AZIN1: variants seen among roughly 807,000 people sequenced by gnomAD.
AZIN1 encodes the protein antizyme inhibitor 1.
Under a neutral mutation model 47.4 loss-of-function variants are expected in AZIN1, and 12 were observed. That is an observed-to-expected ratio of 0.25 (90% confidence interval 0.16 to 0.41). The LOEUF (loss-of-function observed/expected upper bound fraction) is 0.41, where lower values mean the gene tolerates loss of function less well. Among genes scored for constraint, AZIN1 ranks in the 10% least tolerant of loss-of-function variants. The pLI is 1.00. For synonymous variants in AZIN1, 155 were observed against 176.3 expected (o/e 0.88, Z 0.96); for missense variants, 410 against 532.4 (o/e 0.77, Z 2.26).
At position 102,828,311 on chromosome 8, in the gene AZIN1, A is replaced by G. The variant is rs1563525516; in HGVS notation, c.*256T>C. 7.0e-6 allele frequency: 2 copies of G among 284,828 alleles called. No homozygotes were observed. Among genetic ancestry groups the G allele is most frequent in the Non-Finnish European group, 1.3e-5 (2 of 153,330 alleles). 17.6% of individuals were successfully genotyped at this position (284,828 alleles called of 1,614,324 possible). A position where few individuals can be genotyped will look rare whatever the true frequency, so the allele number is the denominator to read the frequency against. On this transcript the variant is annotated 3_prime_UTR_variant, in exon 12 of 12. Transcript: ENST00000337198. Reference sequence around the variant, plus strand: ...TCCACTAAGTCATCCATTTTGTTGCATATTTTATTTTAAACGCTTAAGGGG... The same window carrying G: ...TCCACTAAGTCATCCATTTTGTTGCGTATTTTATTTTAAACGCTTAAGGGG...
intron 2 of AZIN1, among the ~76,000 whole-genome samples, chr8:102,856,253 T>C (rs995414919): frequency 6.6e-6 from 1 of 152,092 alleles, no homozygotes; most frequent in African/African-American, 2.4e-5. Context: ...AATGAGAAGA[T>C]TACATGTGAA....
At chr8:102,861,253 C>T (rs1471772558) in intron 1 of AZIN1, among the ~76,000 whole-genome samples, 1 of 151,896 alleles carries the variant, frequency 6.6e-6, no homozygotes, top group African/African-American at 2.4e-5. Context: ...AGATGAAGTC[C>T]CGCTGCTCTT....
At chr8:102,832,510 C>G (rs551797703) in intron 9 of AZIN1, among the ~76,000 whole-genome samples, 2 of 152,158 alleles carry the variant, frequency 1.3e-5, no homozygotes, top group African/African-American at 4.8e-5. Context: ...GAAAAGATCA[C>G]AATAAAAGTA....
intron 9 of AZIN1, among the ~76,000 whole-genome samples, chr8:102,832,689 G>A (rs1811539122): frequency 6.6e-6 from 1 of 151,074 alleles, no homozygotes; most frequent in South Asian, 2.1e-4. Flanking sequence ...CACCCAGGCT[G>A]GAGTCCAGTG....
At chr8:102,837,833 CCAA>C (rs1259946422) in intron 5 of AZIN1, among the ~76,000 whole-genome samples, 3 of 152,206 alleles carry the variant, frequency 2.0e-5, no homozygotes, top group African/African-American at 7.2e-5. Context: ...AAAAAGTAAG[CCAA>C]CAACTGCATA....
chr8:102,857,645 G>T (rs1049581430), intron 2 of AZIN1, among the ~76,000 whole-genome samples: 12 of 151,550 alleles, frequency 7.9e-5, no homozygotes, highest in Non-Finnish European at 1.5e-4. Context: ...TCATCTTTCA[G>T]CAAGTCCTCT....
At chr8:102,849,951 C>T (rs1456072114) in intron 2 of AZIN1, 1 of 152,186 alleles carries the variant, frequency 6.6e-6, no homozygotes, top group African/African-American at 2.4e-5. Context: ...GACAGGGTAG[C>T]TCCAAGAGTA....
rs567170313 is a variant in AZIN1 at position 102,838,657 on chromosome 8, A to T, written c.449+87T>A. On this transcript the variant is annotated intron_variant, in intron 5 of 11. Coordinates refer to ENST00000337198, the MANE Select transcript of AZIN1 (RefSeq NM_148174.4). ...TTATGATACACATCATTGCCCTACC[A>T]CAAATGCTCCTTTCTTCCCAGACAA... The T allele has an allele frequency of 8.9e-6, 10 of 1,120,434 alleles. No homozygotes were observed. In the African/African-American group the frequency reaches 1.4e-4, roughly 16 times the overall value. 69.4% of individuals were successfully genotyped at this position (1,120,434 alleles called of 1,614,324 possible). A position where few individuals can be genotyped will look rare whatever the true frequency, so the allele number is the denominator to read the frequency against.
At chr8:102,849,234 A>G (rs930369820) in intron 2 of AZIN1, among the ~76,000 whole-genome samples, 1 of 152,178 alleles carries the variant, frequency 6.6e-6, no homozygotes, top group African/African-American at 2.4e-5. Flanking sequence ...CGGAGGTTAC[A>G]GTGAGCTGAG....
At chr8:102,845,502 A>ATATAAC (rs1812513347) in intron 2 of AZIN1, among the ~76,000 whole-genome samples, 2 of 152,154 alleles carry the variant, frequency 1.3e-5, no homozygotes, top group Non-Finnish European at 2.9e-5. Context: ...CACATTCTCT[A>ATATAAC]AAGACTGTTA....
intron 1 of AZIN1, among the ~76,000 whole-genome samples, chr8:102,863,483 G>A (rs1001613076): frequency 4.0e-5 from 6 of 151,562 alleles, no homozygotes; most frequent in Non-Finnish European, 8.9e-5. Flanking sequence ...CACGCCGCCA[G>A]GAGGGGACGG....
At position 102,843,720 on chromosome 8, in the gene AZIN1, T is replaced by C. The variant is rs1812374056; in HGVS notation, c.-68A>G. ...GACAAGAGACGGGCCACCAAGCCTA[T>C]GTCTGGGTCCTTAGAATATGCAACA... is the stretch of plus-strand genomic sequence containing the variant. On this transcript the variant is annotated 5_prime_UTR_variant, in exon 3 of 12. Coordinates refer to ENST00000337198, the MANE Select transcript of AZIN1 (RefSeq NM_148174.4). The C allele has an allele frequency of 2.5e-6, 4 of 1,592,586 alleles. No homozygotes were observed. In the South Asian group the frequency reaches 4.5e-5, roughly 18 times the overall value.
At chr8:102,841,802 A>ATT (rs1301107519) in intron 3 of AZIN1, among the ~76,000 whole-genome samples, 36 of 65,476 alleles carry the variant, frequency 5.5e-4, no homozygotes, top group African/African-American at 1.5e-3. Flanking sequence ...ATATATATAT[A>ATT]TATAAAAAAA....
Position 102,836,310 on chromosome 8 carries a change from C to T in AZIN1, c.530G>A (p.Cys177Tyr). Residue 177 changes from cysteine (C) to tyrosine (Y), a missense_variant, in exon 6 of 12, where the codon TGT (cysteine) becomes TAT (tyrosine). Physicochemically the swap from Cys to Tyr is radical, Grantham distance 194 (BLOSUM62 -2). Around this residue, in one of 3 missense-constraint regions of AZIN1, gnomAD observed 237 missense variants for 309.4 expected, o/e 0.77. Coordinates refer to ENST00000337198, the MANE Select transcript of AZIN1 (RefSeq NM_148174.4). ...CTTAGCACATTCCAAGAGATGCCTA[C>T]AGTTCTTCAGGGTAGTGCCAAACTT... Reference protein sequence around the residue: ...NMKFGTTLKNCRHLLECAKEL... With the variant: ...NMKFGTTLKNYRHLLECAKEL... 2 of 1,613,668 alleles carry T rather than the reference C, an allele frequency of 1.2e-6. No homozygotes were observed. Among genetic ancestry groups the T allele is most frequent in the Non-Finnish European group, 1.7e-6 (2 of 1,179,570 alleles).
intron 11 of AZIN1, 85 bp downstream of exon 11, chr8:102,829,187 G>A: frequency 8.6e-7 from 1 of 1,160,996 alleles, no homozygotes; most frequent in Non-Finnish European, 1.2e-6. Context: ...TCTAAGTTTA[G>A]CATTCATTAC....
chr8:102,858,137 T>C lies in AZIN1; in HGVS notation c.-220A>G. 1 of 398,934 alleles carries C rather than the reference T, an allele frequency of 2.5e-6. No individual in the cohort carries two copies. The highest frequency in any genetic ancestry group is 4.4e-6 in the Non-Finnish European group (1 of 226,006). 24.7% of individuals were successfully genotyped at this position (398,934 alleles called of 1,614,324 possible). On this transcript the variant is annotated 5_prime_UTR_variant, in exon 2 of 12. Coordinates refer to ENST00000337198, the MANE Select transcript of AZIN1 (RefSeq NM_148174.4). ...GCCCTCTGGGTAGTTGTATACTTGG[T>C]CAGAAAGTTCGCCCTAAAAGAAGGA...
At chr8:102,840,989 G>C (rs886378920) in intron 3 of AZIN1, among the ~76,000 whole-genome samples, 1 of 151,808 alleles carries the variant, frequency 6.6e-6, no homozygotes, top group African/African-American at 2.4e-5. Flanking sequence ...AACCACAAGA[G>C]AAATGGGATG....
Position 102,834,743 on chromosome 8 carries a change from G to C in AZIN1, c.589C>G (p.His197Asp). 1 of 1,607,756 alleles carries C rather than the reference G, an allele frequency of 6.2e-7. No homozygotes were observed. Among genetic ancestry groups the C allele is most frequent in the Non-Finnish European group, 8.5e-7 (1 of 1,175,270 alleles). Residue 197 changes from histidine to aspartate, a missense_variant, in exon 7 of 12, where the codon CAT becomes GAT. By Grantham distance (81) the His-to-Asp change is moderately conservative. Around this residue, in one of 3 missense-constraint regions of AZIN1, gnomAD observed 237 missense variants for 309.4 expected, o/e 0.77. Transcript: ENST00000337198. The part of the protein sequence containing the change: ...LDVQIIGVKF[H>D]VSSACKESQV... ...GATTCTTTGCAAGCACTCGAAACAT[G>C]AAATCTGAAACACATAGAATACTAA...
rs1811201381 is a variant in AZIN1, at chr8:102,827,978, C to T, written c.*589G>A. The stretch of plus-strand genomic sequence containing the variant: ...CTACCTTTGCTAGCTAGCCCCTTTC[C>T]CAAAGTTTTAGCCTGAAAAAACAGT... On this transcript the variant is annotated 3_prime_UTR_variant, in exon 12 of 12. Transcript: ENST00000337198. 6.6e-6 allele frequency: 1 copy of T among 152,532 alleles called. No individual in the cohort carries two copies. The highest frequency in any genetic ancestry group is 2.4e-5 in the African/African-American group (1 of 41,416). 9.4% of individuals were successfully genotyped at this position (152,532 alleles called of 1,614,324 possible).
Sources: gnomAD v4.1 joint callset for allele counts (sites outside exome capture counted in the v4.1 genomes callset) on GRCh38, gnomAD v4.1.1 for gene constraint, gnomAD v4.1.1 regional missense constraint, MANE v1.5 for transcripts, NCBI Gene and HGNC (gene_info 2026-07-23, HGNC 2026-07-21) for gene names.